The following CSGALNACT1 variants were observed in gnomAD, a reference collection of about 807,000 sequenced individuals.
CSGALNACT1 encodes beta4GalNAcT-1.
CSGALNACT1 carries 52 observed loss-of-function variants against 51.0 expected under a neutral mutation model. The ratio of observed to expected loss-of-function variants is 1.02; its 90% CI spans 0.82 to 1.29. The LOEUF is 1.29. Ranked by LOEUF, CSGALNACT1 falls within the 50% of genes most tolerant of loss-of-function variation. The pLI, the probability that CSGALNACT1 is intolerant of heterozygous loss-of-function variation, is 0.00. For missense variants in CSGALNACT1, 935 were observed against 679.2 expected (o/e 1.38, Z -4.19); for synonymous variants, 341 against 254.4 (o/e 1.34, Z -3.24).
chr8:19,733,941 T>C (rs1425349185), intron 1 of CSGALNACT1, among the ~76,000 whole-genome samples: 1 of 152,018 alleles, frequency 6.6e-6, no homozygotes, highest in African/African-American at 2.4e-5. Flanking sequence ...GCCCAAACCA[T>C]AGAGGAGGCC....
intron 4 of CSGALNACT1, among the ~76,000 whole-genome samples, chr8:19,475,108 TAAG>T (rs1484286824): frequency 6.6e-5 from 10 of 152,026 alleles, no homozygotes; most frequent in African/African-American, 2.2e-4. Context: ...GTCTCTAAGT[TAAG>T]AAGGAGGAGC....
intron 4 of CSGALNACT1, among the ~76,000 whole-genome samples, chr8:19,495,973 G>A (rs2075376005): frequency 6.6e-6 from 1 of 152,146 alleles, no homozygotes; most frequent in Non-Finnish European, 1.5e-5. Context: ...AACTGGAATG[G>A]GATAAAAGGG....
At chr8:19,691,788 T>C (rs2061337474) in intron 1 of CSGALNACT1, among the ~76,000 whole-genome samples, 1 of 152,180 alleles carries the variant, frequency 6.6e-6, no homozygotes, top group African/African-American at 2.4e-5. Flanking sequence ...ACTGAAGTAG[T>C]GATTCTCCAA....
At chr8:19,638,979 T>C (rs1225471402) in intron 1 of CSGALNACT1, among the ~76,000 whole-genome samples, 1 of 152,038 alleles carries the variant, frequency 6.6e-6, no homozygotes, top group Non-Finnish European at 1.5e-5. Flanking sequence ...CTACTTTCTG[T>C]GTTCTTTTTC....
At chr8:19,690,447 C>T (rs889082263) in intron 1 of CSGALNACT1, among the ~76,000 whole-genome samples, 9 of 152,094 alleles carry the variant, frequency 5.9e-5, no homozygotes, top group Non-Finnish European at 1.2e-4. Flanking sequence ...CAAAAGCTAC[C>T]ACAAGTGTGA....
chr8:19,678,955 C>T (rs1034305608), intron 1 of CSGALNACT1: 2 of 152,196 alleles, frequency 1.3e-5, no homozygotes, highest in African/African-American at 4.8e-5. Flanking sequence ...GCTTGACTGT[C>T]TCCTCTGGTA....
chr8:19,647,756 C>G (rs1446970474), intron 1 of CSGALNACT1, among the ~76,000 whole-genome samples: 1 of 152,168 alleles, frequency 6.6e-6, no homozygotes, highest in East Asian at 1.9e-4. Flanking sequence ...ATATTAGATG[C>G]TGATACAAGC....
intron 1 of CSGALNACT1, among the ~76,000 whole-genome samples, chr8:19,738,764 G>A (rs971992759): frequency 7.2e-5 from 11 of 152,114 alleles, no homozygotes; most frequent in African/African-American, 2.4e-4. Context: ...ACTGTGCAGC[G>A]ATAGGAGCAA....
chr8:19,755,471 A>AAAAAAAAAAAAAAAAAAAAAC (rs1262529031), intron 1 of CSGALNACT1, among the ~76,000 whole-genome samples: 1 of 144,658 alleles, frequency 6.9e-6, no homozygotes. Context: ...AAAAAAAAAA[A>AAAAAAAAAAAAAAAAAAAAAC]AAAAAAAAAA....
At chr8:19,663,617 C>A (rs1288991920) in intron 1 of CSGALNACT1, among the ~76,000 whole-genome samples, 1 of 152,174 alleles carries the variant, frequency 6.6e-6, no homozygotes, top group Non-Finnish European at 1.5e-5. Flanking sequence ...AATTCACATC[C>A]TGTACAAAGA....
chr8:19,553,640 A>ATATATATATATATATAT (rs201836569), intron 3 of CSGALNACT1, among the ~76,000 whole-genome samples: 3,159 of 116,400 alleles, frequency 0.027, 201 homozygotes, highest in African/African-American at 0.057. Context: ...TATATATATA[A>ATATATATATATATATAT]AAAAATATGT....
At chr8:19,522,694 C>G (rs573980899) in intron 3 of CSGALNACT1, among the ~76,000 whole-genome samples, 2 of 152,330 alleles carry the variant, frequency 1.3e-5, no homozygotes, top group South Asian at 4.1e-4. Context: ...CCTGCAAAGT[C>G]ACTCTTCAAG....
At position 19,730,429 on chromosome 8, in the gene CSGALNACT1, T is replaced by C. The variant is rs571576509; in HGVS notation, c.-297+27421A>G. On this transcript the variant is annotated intron_variant, in intron 1 of 1. Coordinates refer to the CSGALNACT1 transcript ENST00000517494. Reference sequence around the variant, plus strand: ...GCTTATGCTAGGTGACTAAAAATGTTCTGTATTGTTAAACTGGTATTATGT... The same window carrying C: ...GCTTATGCTAGGTGACTAAAAATGTCCTGTATTGTTAAACTGGTATTATGT... Among the ~76,000 whole-genome samples, 6 of 152,312 alleles carry C rather than the reference T, an allele frequency of 3.9e-5. No individual in the cohort carries two copies. In the East Asian group the frequency reaches 9.7e-4, roughly 25 times the overall value.
chr8:19,748,084 T>C (rs1280608656), intron 1 of CSGALNACT1, among the ~76,000 whole-genome samples: 3 of 152,222 alleles, frequency 2.0e-5, no homozygotes, highest in African/African-American at 7.2e-5. Flanking sequence ...TGCATATAAG[T>C]TGCTCAAAGG....
intron 5 of CSGALNACT1, among the ~76,000 whole-genome samples, chr8:19,443,505 A>C (rs1421137782): frequency 6.6e-6 from 1 of 152,184 alleles, no homozygotes; most frequent in African/African-American, 2.4e-5. Context: ...AGGTCTCACA[A>C]TCATGGCAGA....
chr8:19,546,045 A>G (rs1409332457), intron 3 of CSGALNACT1, among the ~76,000 whole-genome samples: 1 of 152,008 alleles, frequency 6.6e-6, no homozygotes, highest in East Asian at 1.9e-4. Flanking sequence ...ATACCATTAG[A>G]TCAAATTTTA....
chr8:19,467,435 A>C (rs2066968056), intron 4 of CSGALNACT1, among the ~76,000 whole-genome samples: 1 of 151,922 alleles, frequency 6.6e-6, no homozygotes, highest in Non-Finnish European at 1.5e-5. Flanking sequence ...CTAGCAGTTG[A>C]CTTCCTTTTC....
intron 1 of CSGALNACT1, among the ~76,000 whole-genome samples, chr8:19,633,007 A>G (rs989591867): frequency 2.7e-5 from 4 of 148,072 alleles, no homozygotes; most frequent in Non-Finnish European, 4.5e-5. Context: ...GGCTCAAGGG[A>G]TCTGCCCACC....
intron 4 of CSGALNACT1, among the ~76,000 whole-genome samples, chr8:19,468,178 T>TA (rs1413104926): frequency 9.4e-5 from 1 of 10,606 alleles, no homozygotes; most frequent in Non-Finnish European, 3.5e-4. Flanking sequence ...ATAGCAGATG[T>TA]TTTTTTACCA....
Sources: gnomAD v4.1 joint callset for allele counts (sites outside exome capture counted in the v4.1 genomes callset) on GRCh38, gnomAD v4.1.1 for gene constraint, MANE v1.5 for transcripts, NCBI Gene and HGNC (gene_info 2026-07-23, HGNC 2026-07-21) for gene names.